ANAPC10: variants seen among roughly 807,000 people sequenced by gnomAD.
ANAPC10 encodes anaphase-promoting complex subunit 10.
ANAPC10 carries 12 observed loss-of-function variants against 22.0 expected under a neutral mutation model. The observed-to-expected ratio is 0.55, with a 90% CI of 0.35 to 0.88. ANAPC10 has a LOEUF of 0.88. Among genes scored for constraint, ANAPC10 ranks in the 40% least tolerant of loss-of-function variants. ANAPC10 has a pLI of 0.01. For missense variants in ANAPC10, 188 were observed against 220.9 expected, an observed-to-expected ratio of 0.85 and a Z score of 0.94; for synonymous variants, 65 against 69.5, an observed-to-expected ratio of 0.94 and a Z score of 0.32.
chr4:145,034,095 G>A (rs1026479427), intron 4 of ANAPC10, among the ~76,000 whole-genome samples: 1 of 152,106 alleles, frequency 6.6e-6, no homozygotes, highest in African/African-American at 2.4e-5. Flanking sequence ...GATTATGTAG[G>A]ATCTCAGCAG....
intron 3 of ANAPC10, among the ~76,000 whole-genome samples, chr4:145,069,461 A>C (rs1744176747): frequency 6.6e-6 from 1 of 152,214 alleles, no homozygotes; most frequent in Non-Finnish European, 1.5e-5. Flanking sequence ...CACTGGGGAA[A>C]GAACAATTAC....
chr4:145,012,591 A>G (rs1436035680), intron 4 of ANAPC10, among the ~76,000 whole-genome samples: 2 of 152,288 alleles, frequency 1.3e-5, no homozygotes, highest in East Asian at 3.9e-4. Context: ...TGAAAAATAC[A>G]ATTTATCAAT....
At chr4:145,003,314 T>C (rs1361168541) in intron 4 of ANAPC10, among the ~76,000 whole-genome samples, 1 of 152,196 alleles carries the variant, frequency 6.6e-6, no homozygotes, top group Admixed American at 6.6e-5. Context: ...TGATTCCATG[T>C]CTTTACTATT....
At chr4:145,005,342 T>C (rs182845239) in intron 4 of ANAPC10, among the ~76,000 whole-genome samples, 34 of 152,316 alleles carry the variant, frequency 2.2e-4, no homozygotes, top group African/African-American at 7.9e-4. Context: ...CTGACTGTAT[T>C]TTGGATCTTT....
intron 2 of ANAPC10, 75 bp downstream of exon 2, chr4:145,095,910 G>A (rs1560946530): frequency 1.9e-6 from 3 of 1,578,396 alleles, no homozygotes; most frequent in African/African-American, 1.3e-5. Context: ...GTATCCCCTG[G>A]GATAAGGGGA....
intron 4 of ANAPC10, among the ~76,000 whole-genome samples, chr4:145,061,614 G>A (rs1239947585): frequency 1.3e-5 from 2 of 152,150 alleles, no homozygotes; most frequent in East Asian, 3.8e-4. Context: ...ACAACTGCCT[G>A]AGGAGCTATA....
intron 4 of ANAPC10, among the ~76,000 whole-genome samples, chr4:145,034,332 A>T (rs1738109870): frequency 1.3e-5 from 2 of 151,976 alleles, no homozygotes; most frequent in African/African-American, 4.8e-5. Flanking sequence ...CAGAAAAAAT[A>T]TGAAAAGGAG....
intron 4 of ANAPC10, among the ~76,000 whole-genome samples, chr4:145,043,438 G>A (rs1490500984): frequency 2.0e-5 from 3 of 151,926 alleles, no homozygotes; most frequent in Non-Finnish European, 4.4e-5. Context: ...AAAATTTTCC[G>A]AATGGTTGAA....
rs1035748969 is a variant in ANAPC10, at chr4:145,078,408, G to A, written c.206+3252C>T. Among the ~76,000 whole-genome samples the A allele has an allele frequency of 9.2e-5, 14 of 152,068 alleles. No individual in the cohort carries two copies. The South Asian group carries it at 2.7e-3, about 29-fold the overall frequency. The stretch of plus-strand genomic sequence containing the variant: ...AAATGGAAAAACATCCCATGCTCAT[G>A]GATAGGAAGAATCAATATTGTTTAA... On this transcript the variant is annotated intron_variant, in intron 3 of 4. Coordinates refer to ENST00000507656, the MANE Select transcript of ANAPC10 (RefSeq NM_001256706.2).
At chr4:145,017,601 C>T (rs1368001021) in intron 4 of ANAPC10, among the ~76,000 whole-genome samples, 1 of 152,082 alleles carries the variant, frequency 6.6e-6, no homozygotes, top group African/African-American at 2.4e-5. Flanking sequence ...ACCATTTGAC[C>T]CAGCCATCCC....
intron 2 of ANAPC10, among the ~76,000 whole-genome samples, chr4:145,089,573 T>G (rs956771993): frequency 1.3e-5 from 2 of 152,186 alleles, no homozygotes; most frequent in Non-Finnish European, 2.9e-5. Context: ...CTAACAATTG[T>G]GCTGAATTGT....
chr4:145,000,705 C>A lies in ANAPC10; in HGVS notation c.328-5102G>T, dbSNP rs141339433. 2.9e-3 allele frequency among the ~76,000 whole-genome samples: 438 copies of A among 152,262 alleles called. 3 individuals are homozygous for A. Among genetic ancestry groups the A allele is most frequent in the African/African-American group, 9.6e-3 (398 of 41,540 alleles). ...CAGCATTCCCATTACTGGGTATATA[C>A]CCAAAGGATTATAAATCATGCTACT... On this transcript the variant is annotated intron_variant, in intron 4 of 4. Coordinates refer to ENST00000507656, the MANE Select transcript of ANAPC10 (RefSeq NM_001256706.2).
chr4:145,006,933 C>A (rs1278652635), intron 4 of ANAPC10, among the ~76,000 whole-genome samples: 2 of 151,966 alleles, frequency 1.3e-5, no homozygotes. Flanking sequence ...AAAATTAGTC[C>A]CACAATACAG....
At chr4:145,016,185 T>C (rs1560826157) in intron 4 of ANAPC10, among the ~76,000 whole-genome samples, 1 of 152,224 alleles carries the variant, frequency 6.6e-6, no homozygotes, top group African/African-American at 2.4e-5. Flanking sequence ...AAATTGTCCC[T>C]GTTTGCAGAT....
chr4:145,016,374 C>T (rs1026223313), intron 4 of ANAPC10, among the ~76,000 whole-genome samples: 7 of 152,082 alleles, frequency 4.6e-5, no homozygotes, highest in Non-Finnish European at 8.8e-5. Context: ...TTCACAATTG[C>T]CTCAAAGACA....
At chr4:145,096,208 C>G (rs142983271) in intron 1 of ANAPC10, 97 bp from the exon 2 acceptor site, 1 of 1,203,744 alleles carries the variant, frequency 8.3e-7, no homozygotes, top group East Asian at 2.4e-5. Context: ...CTCATATACC[C>G]TGACATTAAT....
At chr4:145,062,544 T>C (rs1404054949) in intron 4 of ANAPC10, among the ~76,000 whole-genome samples, 1 of 151,792 alleles carries the variant, frequency 6.6e-6, no homozygotes, top group African/African-American at 2.4e-5. Flanking sequence ...GAGGTGGAGG[T>C]TGCAGTGAGC....
At chr4:145,067,948 A>C (rs1743947376) in intron 3 of ANAPC10, among the ~76,000 whole-genome samples, 1 of 152,182 alleles carries the variant, frequency 6.6e-6, no homozygotes, top group Non-Finnish European at 1.5e-5. Context: ...TGCCCCTTTT[A>C]CCTTTCTCAT....
chr4:145,017,785 C>T (rs537827119), intron 4 of ANAPC10, among the ~76,000 whole-genome samples: 137 of 151,914 alleles, frequency 9.0e-4, no homozygotes, highest in African/African-American at 3.1e-3. Flanking sequence ...ATACTATGCA[C>T]CCATAAAAAA....
Sources: allele counts gnomAD v4.1 joint callset (sites outside exome capture counted in the v4.1 genomes callset), GRCh38; gene constraint gnomAD v4.1.1; transcripts MANE v1.5; gene names NCBI Gene and HGNC (gene_info 2026-07-23, HGNC 2026-07-21).